Variants in MDH1 observed in about 807,000 individuals in gnomAD.
The protein encoded by MDH1 is malate dehydrogenase, cytoplasmic.
MDH1 carries 15 observed loss-of-function variants against 38.7 expected under a neutral mutation model. That is an observed-to-expected ratio of 0.39 (90% confidence interval 0.26 to 0.60). The LOEUF (loss-of-function observed/expected upper bound fraction) is 0.60. Ranked by LOEUF, MDH1 falls within the 20% of genes least tolerant of loss-of-function variation. The pLI is 0.56. For missense variants in MDH1, 368 were observed against 405.2 expected (o/e 0.91, Z 0.79); for synonymous variants, 144 against 143.6 (o/e 1.00, Z -0.02).
intron 5 of MDH1, among the ~76,000 whole-genome samples, chr2:63,601,741 G>C (rs534517044): frequency 6.6e-6 from 1 of 152,270 alleles, no homozygotes; most frequent in Admixed American, 6.5e-5. Context: ...GACTGAGGGT[G>C]GAGAGGCCTA....
intron 1 of MDH1, chr2:63,593,566 T>G: frequency 2.1e-6 from 1 of 471,454 alleles, no homozygotes; most frequent in Non-Finnish European, 4.4e-6. Flanking sequence ...GAAGGAACTT[T>G]AAGTAAAAAG....
intron 4 of MDH1, 71 bp from the exon 5 acceptor site, chr2:63,599,099 G>A (rs1048147069): frequency 3.3e-6 from 5 of 1,502,102 alleles, no homozygotes; most frequent in Admixed American, 1.9e-5. Context: ...GACATTTTCA[G>A]TCAAATTTTA....
chr2:63,599,208 G>T lies in MDH1; in HGVS notation c.414G>T (p.Leu138=). 1 of 1,613,782 alleles carries T rather than the reference G, an allele frequency of 6.2e-7. No individual in the cohort carries two copies. The highest frequency in any genetic ancestry group is 1.1e-5 in the South Asian group (1 of 91,036). The change falls in exon 5 of 9, where the codon CTG becomes CTT. Residue 138 remains leucine, a synonymous_variant. Transcript: ENST00000233114. ...GTAATCCAGCCAATACCAACTGCCT[G>T]ACTGCTTCCAAGTCAGCTCCATCCA... ...VVGNPANTNC[L]TASKSAPSIP...
chr2:63,605,168 G>A, intron 6 of MDH1, 112 bp from the exon 7 acceptor site: 1 of 718,138 alleles, frequency 1.4e-6, no homozygotes, highest in African/African-American at 1.8e-5. Flanking sequence ...ATTTTGGAGG[G>A]GAAACATTAA....
At chr2:63,605,442 CTGA>C in intron 7 of MDH1, 49 bp downstream of exon 7, 5 of 1,289,436 alleles carry the variant, frequency 3.9e-6, no homozygotes, top group Non-Finnish European at 3.4e-6. Flanking sequence ...TTTTTGTTGC[CTGA>C]TGATATAATA....
intron 3 of MDH1, among the ~76,000 whole-genome samples, chr2:63,595,814 TAC>T (rs1037239612): frequency 5.9e-5 from 9 of 152,062 alleles, no homozygotes; most frequent in Non-Finnish European, 8.8e-5. Context: ...TGAAATTGTC[TAC>T]ACACACACAC....
chr2:63,602,021 G>A (rs191862487), intron 5 of MDH1, among the ~76,000 whole-genome samples: 1 of 152,254 alleles, frequency 6.6e-6, no homozygotes, highest in Admixed American at 6.5e-5. Flanking sequence ...TCAATAGCTG[G>A]GTACCCCAGA....
intron 5 of MDH1, among the ~76,000 whole-genome samples, chr2:63,602,437 C>G (rs1036910822): frequency 2.0e-5 from 3 of 148,094 alleles, no homozygotes; most frequent in African/African-American, 7.5e-5. Flanking sequence ...GCCCATGTAC[C>G]CATCACCCAT....
At chr2:63,590,890 T>G (rs1216360112) in intron 1 of MDH1, 1 of 152,228 alleles carries the variant, frequency 6.6e-6, no homozygotes, top group African/African-American at 2.4e-5. Context: ...TTCTGTAAGC[T>G]CATTCAAAGC....
intron 5 of MDH1, among the ~76,000 whole-genome samples, chr2:63,601,885 A>G (rs1224845982): frequency 6.6e-6 from 1 of 152,244 alleles, no homozygotes; most frequent in Non-Finnish European, 1.5e-5. Context: ...TATATACCAT[A>G]CCAGCTAAAT....
rs749592089 is a variant in MDH1, at chr2:63,599,299, A to G, written c.498+7A>G. 3.7e-6 allele frequency: 6 copies of G among 1,607,712 alleles called. No individual in the cohort carries two copies. The Admixed American group carries it at 1.0e-4, about 27-fold the overall frequency. On this transcript the variant is annotated splice_region_variant and intron_variant, in intron 5 of 8. Transcript: ENST00000233114. ...CAACCGAGCTAAAGCTCAAGTAAGA[A>G]AAATATATTTTAAATCTTGTGGTTG... is the stretch of plus-strand genomic sequence containing the variant.
intron 1 of MDH1, 190 bp downstream of exon 1, chr2:63,589,236 G>A: frequency 6.4e-7 from 1 of 1,557,006 alleles, no homozygotes; most frequent in Non-Finnish European, 8.7e-7. Flanking sequence ...TTTCCACCTT[G>A]CGGGGTATGG....
At chr2:63,593,690 C>T in intron 1 of MDH1, 1 of 471,388 alleles carries the variant, frequency 2.1e-6, no homozygotes, top group Non-Finnish European at 4.4e-6. Context: ...AGGAATGGTT[C>T]ACCTTAACTG....
rs144561667 is a variant in MDH1 at position 63,607,163 on chromosome 2, G to A, written c.*176G>A. 2 of 446,472 alleles carry A rather than the reference G, an allele frequency of 4.5e-6. No individual in the cohort carries two copies. Among genetic ancestry groups the A allele is most frequent in the Admixed American group, 4.1e-5 (1 of 24,476 alleles). 27.7% of individuals were successfully genotyped at this position (446,472 alleles called of 1,614,324 possible). ...ATGACAGTTTATCGTCATGCTGTTA[G>A]TGTGCATTCTAAATAAATATATATT... On this transcript the variant is annotated 3_prime_UTR_variant, in exon 9 of 9. Coordinates refer to ENST00000233114, the MANE Select transcript of MDH1 (RefSeq NM_005917.4).
intron 5 of MDH1, among the ~76,000 whole-genome samples, chr2:63,603,655 C>CT (rs11297982): frequency 0.017 from 1,637 of 99,010 alleles, 40 homozygotes; most frequent in South Asian, 0.03. Context: ...CAAGACATTT[C>CT]TTTTTTTTTT....
chr2:63,594,201 C>T, intron 1 of MDH1: 1 of 534,140 alleles, frequency 1.9e-6, no homozygotes, highest in South Asian at 1.4e-5. Flanking sequence ...ACATACTGAA[C>T]ACATCAACAT....
At chr2:63,601,395 T>C (rs553628174) in intron 5 of MDH1, among the ~76,000 whole-genome samples, 90 of 152,338 alleles carry the variant, frequency 5.9e-4, no homozygotes, top group Non-Finnish European at 1.2e-3. Context: ...GCTGTATTTA[T>C]GTCTGCTGAT....
intron 8 of MDH1, 116 bp downstream of exon 8, chr2:63,606,144 G>A: frequency 2.0e-6 from 2 of 978,858 alleles, no homozygotes; most frequent in South Asian, 1.3e-5. Context: ...CACTTTGGAA[G>A]GGCAAGGTGG....
chr2:63,604,523 G>T (rs1709490888), intron 5 of MDH1, among the ~76,000 whole-genome samples, 173 bp from the exon 6 acceptor site: 1 of 152,188 alleles, frequency 6.6e-6, no homozygotes, highest in Admixed American at 6.5e-5. Context: ...TTAAGCTGTT[G>T]TAGGAAATTG....
Sources: gnomAD v4.1 joint callset for allele counts (sites outside exome capture counted in the v4.1 genomes callset) on GRCh38, gnomAD v4.1.1 for gene constraint, MANE v1.5 for transcripts, NCBI Gene and HGNC (gene_info 2026-07-23, HGNC 2026-07-21) for gene names.